The following RASGRP3 variants were observed in gnomAD, a reference collection of about 807,000 sequenced individuals.
The protein encoded by RASGRP3 is ras guanyl-releasing protein 3.
Under a neutral mutation model 82.7 loss-of-function variants are expected in RASGRP3, and 54 were observed. The observed-to-expected ratio is 0.65, with a 90% CI of 0.52 to 0.82. RASGRP3 has a LOEUF of 0.82. Among genes scored for constraint, RASGRP3 ranks in the 40% least tolerant of loss-of-function variants. The probability of loss-of-function intolerance (pLI) is 0.00; values close to 1 mark genes in which losing one functional copy is unlikely to be tolerated. For missense variants in RASGRP3, 861 were observed against 828.9 expected (o/e 1.04, Z -0.48); for synonymous variants, 309 against 300.5 (o/e 1.03, Z -0.29).
intron 2 of RASGRP3, among the ~76,000 whole-genome samples, chr2:33,465,036 A>G (rs1277629930): frequency 6.6e-6 from 1 of 152,254 alleles, no homozygotes; most frequent in Non-Finnish European, 1.5e-5. Flanking sequence ...ACTTTAGATC[A>G]AAAGCTAGAC....
Position 33,562,822 on chromosome 2 carries a change from G to C in RASGRP3, c.*85G>C. The C allele has an allele frequency of 2.0e-6, 3 of 1,524,292 alleles. No individual in the cohort carries two copies. The highest frequency in any genetic ancestry group is 2.7e-6 in the Non-Finnish European group (3 of 1,102,290). 94.4% of individuals were successfully genotyped at this position (1,524,292 alleles called of 1,614,324 possible). Reference sequence around the variant, plus strand: ...ACTCTGAAGAAAGCTCTGACTCTCAGGAAGTTATCTGGAAAGATACCTGGA... The same window carrying C: ...ACTCTGAAGAAAGCTCTGACTCTCACGAAGTTATCTGGAAAGATACCTGGA... On this transcript the variant is annotated 3_prime_UTR_variant, in exon 18 of 18. Coordinates refer to ENST00000403687, the MANE Select transcript of RASGRP3 (RefSeq NM_001139488.2).
rs765661757 is a variant in RASGRP3 at position 33,527,263 on chromosome 2, G to C, written c.934G>C (p.Val312Leu). 1.9e-6 allele frequency: 3 copies of C among 1,614,004 alleles called. No homozygotes were observed. The highest frequency in any genetic ancestry group is 1.3e-5 in the African/African-American group (1 of 75,046). The change falls in exon 10 of 18, where the codon GTC becomes CTC. Residue 312 changes from valine (V) to leucine (L), a missense_variant. Val to Leu is a conservative substitution (Grantham distance 32, BLOSUM62 1). Transcript: ENST00000403687. ...LGVHLKDLIA[V>L]HVIFPDWTEE... ...AGTACACTTGAAAGACTTGATAGCT[G>C]TCCATGTCATTTTCCCAGACTGGAC...
chr2:33,443,701 C>A (rs909143856), intron 1 of RASGRP3, among the ~76,000 whole-genome samples: 1 of 142,668 alleles, frequency 7.0e-6, no homozygotes, highest in Non-Finnish European at 1.5e-5. Flanking sequence ...ATAGTGAGAT[C>A]CTGTCTCTAA....
intron 3 of RASGRP3, 41 bp from the exon 4 acceptor site, chr2:33,516,501 G>A (rs1671481171): frequency 2.2e-6 from 3 of 1,336,924 alleles, no homozygotes; most frequent in Non-Finnish European, 3.2e-6. Context: ...GTAAAGAATA[G>A]CACTATTATC....
chr2:33,446,296 A>G (rs1484423857), intron 1 of RASGRP3, among the ~76,000 whole-genome samples: 1 of 152,122 alleles, frequency 6.6e-6, no homozygotes, highest in Non-Finnish European at 1.5e-5. Context: ...AGCTGGGACT[A>G]CAGGCACCCG....
intron 1 of RASGRP3, among the ~76,000 whole-genome samples, chr2:33,508,564 A>T (rs1199683087): frequency 6.6e-6 from 1 of 152,188 alleles, no homozygotes; most frequent in Non-Finnish European, 1.5e-5. Flanking sequence ...ATGGAAGGAA[A>T]TCAAGGAAGT....
Position 33,535,503 on chromosome 2 carries a change from A to G in RASGRP3, c.1161+1103A>G, listed in dbSNP as rs1195436636. Among the ~76,000 whole-genome samples the G allele has an allele frequency of 5.9e-5, 9 of 152,350 alleles. No homozygotes were observed. The South Asian group carries it at 1.9e-3, about 32-fold the overall frequency. On this transcript the variant is annotated intron_variant, in intron 11 of 17. Coordinates refer to ENST00000403687, the MANE Select transcript of RASGRP3 (RefSeq NM_001139488.2). ...GACTATGCCCCCTAAGTTTATTAAT[A>G]CCTACTGTGATTCTGAACCCTCAGA...
chr2:33,499,118 AC>A (rs1669610269), intron 1 of RASGRP3, among the ~76,000 whole-genome samples: 1 of 151,764 alleles, frequency 6.6e-6, no homozygotes, highest in African/African-American at 2.4e-5. Context: ...CTCATCCCCA[AC>A]CCCCTCCCAT....
At chr2:33,501,504 A>G (rs1156319176) in intron 1 of RASGRP3, among the ~76,000 whole-genome samples, 1 of 152,196 alleles carries the variant, frequency 6.6e-6, no homozygotes, top group African/African-American at 2.4e-5. Context: ...ACCATTTTAC[A>G]TTTCCACTAG....
chr2:33,560,003 A>T (rs1257949136), intron 17 of RASGRP3, among the ~76,000 whole-genome samples: 1 of 152,238 alleles, frequency 6.6e-6, no homozygotes, highest in African/African-American at 2.4e-5. Context: ...GTTTATTGTA[A>T]GTTTCTGCTG....
chr2:33,513,253 A>G (rs1019038544), intron 2 of RASGRP3, among the ~76,000 whole-genome samples: 1 of 152,262 alleles, frequency 6.6e-6, no homozygotes, highest in Non-Finnish European at 1.5e-5. Flanking sequence ...CAGAATTAAT[A>G]GAGGGCAAAC....
chr2:33,530,593 C>T (rs571493194), intron 10 of RASGRP3, among the ~76,000 whole-genome samples: 80 of 151,794 alleles, frequency 5.3e-4, no homozygotes, highest in African/African-American at 1.5e-3. Context: ...GGCCGGGTTC[C>T]CCTCAAATGG....
At chr2:33,514,859 A>G (rs993839100) in intron 2 of RASGRP3, among the ~76,000 whole-genome samples, 151 bp from the exon 3 acceptor site, 12 of 152,162 alleles carry the variant, frequency 7.9e-5, no homozygotes, top group African/African-American at 2.9e-4. Flanking sequence ...TTGGCATCAT[A>G]AAAGGTTGAT....
At chr2:33,458,035 G>A (rs536840986) in intron 2 of RASGRP3, 68 of 152,248 alleles carry the variant, frequency 4.5e-4, no homozygotes, top group African/African-American at 1.5e-3. Flanking sequence ...TGCGCACCCT[G>A]GGGAGGTTGT....
chr2:33,555,524 GT>G lies in RASGRP3; in HGVS notation c.1543-5del. 1 of 1,594,438 alleles carries G rather than the reference GT, an allele frequency of 6.3e-7. No homozygotes were observed. The highest frequency in any genetic ancestry group is 1.1e-5 in the South Asian group (1 of 88,834). On this transcript the variant is annotated splice_polypyrimidine_tract_variant and splice_region_variant and intron_variant, in intron 14 of 17. Transcript: ENST00000403687. ...ATTCCCTGACATTCCTTTGTCTTTT[GT>G]TACAGCTCTGGGGCATAATCAAGCA...
chr2:33,484,763 G>T (rs1347507075), intron 1 of RASGRP3, among the ~76,000 whole-genome samples: 1 of 152,180 alleles, frequency 6.6e-6, no homozygotes, highest in Non-Finnish European at 1.5e-5. Context: ...TCTTGCAGAA[G>T]AGAAAAATAA....
At chr2:33,508,488 C>G (rs910112330) in intron 1 of RASGRP3, among the ~76,000 whole-genome samples, 1 of 152,100 alleles carries the variant, frequency 6.6e-6, no homozygotes, top group Non-Finnish European at 1.5e-5. Flanking sequence ...AGGGCCACTT[C>G]TTTCAATGCA....
intron 12 of RASGRP3, among the ~76,000 whole-genome samples, chr2:33,542,535 T>C (rs1674371054): frequency 6.8e-6 from 1 of 147,404 alleles, no homozygotes; most frequent in Non-Finnish European, 1.5e-5. Context: ...ACCTTAAAAC[T>C]TTATTTTCTA....
chr2:33,441,381 A>T (rs1234551849), intron 1 of RASGRP3, among the ~76,000 whole-genome samples: 1 of 152,222 alleles, frequency 6.6e-6, no homozygotes, highest in Non-Finnish European at 1.5e-5. Context: ...CTGAAGAGAA[A>T]AGACCAAGGG....
Sources: allele counts gnomAD v4.1 joint callset (sites outside exome capture counted in the v4.1 genomes callset), GRCh38; gene constraint gnomAD v4.1.1; transcripts MANE v1.5; gene names NCBI Gene and HGNC (gene_info 2026-07-23, HGNC 2026-07-21).